PRKD3: variants seen among roughly 807,000 people sequenced by gnomAD.
PRKD3 encodes the protein protein kinase D3, also known as serine/threonine-protein kinase D3.
Under a neutral mutation model 99.2 loss-of-function variants are expected in PRKD3, and 47 were observed. That is an observed-to-expected ratio of 0.47 (90% CI 0.38 to 0.60). The LOEUF (loss-of-function observed/expected upper bound fraction) is 0.60, where lower values mean the gene tolerates loss of function less well. Among genes scored for constraint, PRKD3 ranks in the 20% least tolerant of loss-of-function variants. The probability of loss-of-function intolerance (pLI) is 0.00; values close to 1 mark genes in which losing one functional copy is unlikely to be tolerated. For missense variants in PRKD3, 1,019 were observed against 1,088.4 expected (o/e 0.94, Z 0.90); for synonymous variants, 392 against 355.4 (o/e 1.10, Z -1.16).
chr2:37,298,045 C>G (rs1037374638), intron 2 of PRKD3, among the ~76,000 whole-genome samples: 3 of 152,080 alleles, frequency 2.0e-5, no homozygotes, highest in Non-Finnish European at 4.4e-5. Flanking sequence ...TATTTTCCCC[C>G]ACTTATTTAT....
chr2:37,318,298 A>C (rs1671747286), intron 1 of PRKD3, among the ~76,000 whole-genome samples: 1 of 152,240 alleles, frequency 6.6e-6, no homozygotes, highest in Non-Finnish European at 1.5e-5. Flanking sequence ...ATTCCATCTT[A>C]TATAATGTAC....
rs1671697907 is a variant in PRKD3, at chr2:37,317,022, C to G, written c.-498G>C. 1.0e-6 allele frequency: 1 copy of G among 986,586 alleles called. No homozygotes were observed. The highest frequency in any genetic ancestry group is 4.7e-5 in the South Asian group (1 of 21,358). The allele number at this position is 986,586 out of a possible 1,614,324, so 61.1% of individuals were successfully genotyped here. A position where few individuals can be genotyped will look rare whatever the true frequency, so the allele number is the denominator to read the frequency against. On this transcript the variant is annotated 5_prime_UTR_variant, in exon 2 of 19. Transcript: ENST00000234179. ...TTTGATAGGACACCTTCTCAAATGT[C>G]CACACCTTAAATCACCTTCTCAAAT... is the stretch of plus-strand genomic sequence containing the variant.
Position 37,274,657 on chromosome 2 carries a change from CGTG to C in PRKD3, c.1412_1414del (p.Pro471del), listed in dbSNP as rs1310615612. The C allele has an allele frequency of 2.5e-6, 4 of 1,613,642 alleles. No individual in the cohort carries two copies. The highest frequency in any genetic ancestry group is 1.3e-5 in the African/African-American group (1 of 74,836). The stretch of plus-strand genomic sequence containing the variant: ...GCCTTGTGAAATGTTTGTGAAATCT[CGTG>C]GTGAAGATATGCGGAGAATTTCTGA... On this transcript the variant is annotated inframe_deletion, in exon 11 of 19. Coordinates refer to ENST00000234179, the MANE Select transcript of PRKD3 (RefSeq NM_005813.6).
chr2:37,269,374 CAAG>C, intron 13 of PRKD3: 1 of 495,478 alleles, frequency 2.0e-6, no homozygotes. Context: ...GTGTGAGCTA[CAAG>C]AAGAGATAAA....
chr2:37,285,562 A>T (rs1298338287), intron 6 of PRKD3, among the ~76,000 whole-genome samples: 1 of 152,206 alleles, frequency 6.6e-6, no homozygotes, highest in Non-Finnish European at 1.5e-5. Flanking sequence ...CAGTATGCTT[A>T]TATGTGTGTG....
At chr2:37,296,615 A>T (rs1402956790) in intron 2 of PRKD3, among the ~76,000 whole-genome samples, 1 of 152,094 alleles carries the variant, frequency 6.6e-6, no homozygotes, top group Non-Finnish European at 1.5e-5. Context: ...CGTAAGAGTC[A>T]GGCCGGGCGC....
At position 37,252,411 on chromosome 2, in the gene PRKD3, T is replaced by C. The variant is rs1430868332; in HGVS notation, c.*766A>G. The C allele has an allele frequency of 2.6e-5, 4 of 152,168 alleles. No homozygotes were observed. Among genetic ancestry groups the C allele is most frequent in the Non-Finnish European group, 5.9e-5 (4 of 68,032 alleles). The allele number at this position is 152,168 out of a possible 1,614,324, so 9.4% of individuals were successfully genotyped here. ...GTGGAGCTATGCAAAGACATACAAC[T>C]CAGCACTTAGACCAGCAGTACTCTT... On this transcript the variant is annotated 3_prime_UTR_variant, in exon 19 of 19. Coordinates refer to ENST00000234179, the MANE Select transcript of PRKD3 (RefSeq NM_005813.6).
At chr2:37,254,149 T>C (rs1456952502) in intron 18 of PRKD3, 55 bp downstream of exon 18, 4 of 1,333,846 alleles carry the variant, frequency 3.0e-6, no homozygotes, top group Admixed American at 3.4e-5. Context: ...GTGGGACAAA[T>C]CAGAGTGAAC....
chr2:37,317,397 C>T (rs1671711917), intron 1 of PRKD3, among the ~76,000 whole-genome samples: 2 of 151,636 alleles, frequency 1.3e-5, no homozygotes, highest in Admixed American at 1.3e-4. Flanking sequence ...TGGCACTCTA[C>T]ACTGATACCT....
chr2:37,270,602 G>T (rs1020798917), intron 12 of PRKD3, among the ~76,000 whole-genome samples: 6 of 151,982 alleles, frequency 3.9e-5, no homozygotes, highest in Admixed American at 1.3e-4. Context: ...ACTGATGAAA[G>T]AAAAACAAAG....
At chr2:37,289,579 T>C in intron 4 of PRKD3, 66 bp from the exon 5 acceptor site, 1 of 1,263,678 alleles carries the variant, frequency 7.9e-7, no homozygotes, top group South Asian at 1.5e-5. Flanking sequence ...GTGTGATACA[T>C]AAAAACCACT....
intron 12 of PRKD3, 49 bp from the exon 13 acceptor site, chr2:37,269,736 T>C (rs372341853): frequency 2.3e-6 from 3 of 1,285,688 alleles, no homozygotes. Flanking sequence ...TATAATACAA[T>C]GTCAACATCT....
intron 6 of PRKD3, among the ~76,000 whole-genome samples, chr2:37,284,693 T>G (rs1373737739): frequency 6.6e-6 from 1 of 152,242 alleles, no homozygotes; most frequent in Non-Finnish European, 1.5e-5. Flanking sequence ...TAATGCCTAA[T>G]AGTTATCAAA....
rs1469790556 is a variant in PRKD3 at position 37,290,921 on chromosome 2, T to A, written c.506A>T (p.Asp169Val). Reference protein sequence around the residue: ...VHSYKAPTFCDYCGEMLWGLV... With the variant: ...VHSYKAPTFCVYCGEMLWGLV... ...TCCCCAGAGCATCTCACCACAGTAA[T>A]CACAGAAAGTAGGAGCTTTGTAAGA... Residue 169 changes from aspartate (D) to valine (V), a missense_variant, in exon 4 of 19, where the codon GAT becomes GTT. Physicochemically the swap from Asp to Val is radical, Grantham distance 152 (BLOSUM62 -3). Coordinates refer to ENST00000234179, the MANE Select transcript of PRKD3 (RefSeq NM_005813.6). 6.2e-7 allele frequency: 1 copy of A among 1,603,054 alleles called. No individual in the cohort carries two copies. Among genetic ancestry groups the A allele is most frequent in the East Asian group, 2.2e-5 (1 of 44,828 alleles).
rs1030059260 is a variant in PRKD3, at chr2:37,271,439, T to G, written c.1704+941A>C. On this transcript the variant is annotated intron_variant, in intron 12 of 18. Transcript: ENST00000234179. Reference sequence around the variant, plus strand: ...GAACACAGCCATGCCTGTTCACTTATGTATTGCCTATAGCTGCTTTCTTGT... The same window carrying G: ...GAACACAGCCATGCCTGTTCACTTAGGTATTGCCTATAGCTGCTTTCTTGT... Among the ~76,000 whole-genome samples, 4 of 152,216 alleles carry G rather than the reference T, an allele frequency of 2.6e-5. No homozygotes were observed. The East Asian group carries it at 7.7e-4, about 29-fold the overall frequency.
At position 37,256,646 on chromosome 2, in the gene PRKD3, T is replaced by A; in HGVS notation, c.2413+16A>T. 2.1e-6 allele frequency: 3 copies of A among 1,404,406 alleles called. No individual in the cohort carries two copies. The highest frequency in any genetic ancestry group is 1.7e-5 in the South Asian group (1 of 59,460). 87.0% of individuals were successfully genotyped at this position (1,404,406 alleles called of 1,614,324 possible). ...AGCCAAAATTTTTTTTTTTTTTTTT[T>A]TTTTTTTTTTTTTACCTTCACCAGA... is the stretch of plus-strand genomic sequence containing the variant. On this transcript the variant is annotated intron_variant, in intron 17 of 18. Coordinates refer to ENST00000234179, the MANE Select transcript of PRKD3 (RefSeq NM_005813.6).
intron 10 of PRKD3, 76 bp from the exon 11 acceptor site, chr2:37,274,773 G>T: frequency 7.3e-7 from 1 of 1,367,836 alleles, no homozygotes; most frequent in Non-Finnish European, 1.0e-6. Context: ...AAGAACCAGA[G>T]ATATGCATTT....
intron 18 of PRKD3, 134 bp downstream of exon 18, chr2:37,254,070 A>G: frequency 3.1e-6 from 2 of 651,542 alleles, no homozygotes; most frequent in South Asian, 1.9e-5. Flanking sequence ...CCAGAGATTC[A>G]GCCATAGTAC....
chr2:37,321,518 A>C (rs910496695), intron 1 of PRKD3, among the ~76,000 whole-genome samples: 21 of 152,080 alleles, frequency 1.4e-4, no homozygotes, highest in African/African-American at 4.6e-4. Context: ...TTAACACTCT[A>C]ATTAGGAGAA....
Sources: gnomAD v4.1 joint callset for allele counts (sites outside exome capture counted in the v4.1 genomes callset) on GRCh38, gnomAD v4.1.1 for gene constraint, MANE v1.5 for transcripts, NCBI Gene and HGNC (gene_info 2026-07-23, HGNC 2026-07-21) for gene names.